The following FAM13C variants were observed in gnomAD, a reference collection of about 807,000 sequenced individuals.
FAM13C encodes the protein protein FAM13C.
FAM13C carries 37 observed loss-of-function variants against 73.2 expected under a neutral mutation model. The observed-to-expected ratio is 0.51, with a 90% CI of 0.39 to 0.67. FAM13C has a LOEUF of 0.67. FAM13C is among the 30% of genes least tolerant of loss of function. The pLI is 0.00. For synonymous variants in FAM13C, 246 were observed against 260.9 expected, an observed-to-expected ratio of 0.94 and a Z score of 0.55; for missense variants, 589 against 715.6, an observed-to-expected ratio of 0.82 and a Z score of 2.02.
At position 59,246,576 on chromosome 10, in the gene FAM13C, T is replaced by C. The variant is rs1409446200; in HGVS notation, c.*1038A>G. 2 of 396,982 alleles carry C rather than the reference T, an allele frequency of 5.0e-6. No individual in the cohort carries two copies. The highest frequency in any genetic ancestry group is 4.1e-5 in the African/African-American group (2 of 48,594). 24.6% of individuals were successfully genotyped at this position (396,982 alleles called of 1,614,324 possible). A position where few individuals can be genotyped will look rare whatever the true frequency, so the allele number is the denominator to read the frequency against. ...CAAAAATGAAAATAATAAACATGTTTTCGTATAAAATAACACAAAATGATA... is the reference window on the plus strand; with the variant it reads ...CAAAAATGAAAATAATAAACATGTTCTCGTATAAAATAACACAAAATGATA... On this transcript the variant is annotated 3_prime_UTR_variant, in exon 14 of 14. Coordinates refer to ENST00000618804, the MANE Select transcript of FAM13C (RefSeq NM_198215.4).
intron 5 of FAM13C, among the ~76,000 whole-genome samples, chr10:59,294,427 T>G (rs2133805053): frequency 6.6e-6 from 1 of 152,302 alleles, no homozygotes; most frequent in South Asian, 2.1e-4. Context: ...AGGCAAGTCC[T>G]GCCTCAATGC....
intron 4 of FAM13C, among the ~76,000 whole-genome samples, chr10:59,311,738 G>T (rs915327350): frequency 1.3e-5 from 2 of 152,010 alleles, no homozygotes; most frequent in African/African-American, 4.8e-5. Context: ...AGAAGGTGGG[G>T]TGTGTGTGTG....
chr10:59,320,815 C>T (rs1850132975), intron 4 of FAM13C, among the ~76,000 whole-genome samples: 2 of 152,188 alleles, frequency 1.3e-5, no homozygotes, highest in Non-Finnish European at 2.9e-5. Context: ...AGTTTGTATA[C>T]AACTCCATTT....
intron 10 of FAM13C, among the ~76,000 whole-genome samples, chr10:59,259,600 T>A (rs187142644): frequency 5.9e-5 from 9 of 152,290 alleles, no homozygotes; most frequent in Admixed American, 2.0e-4. Context: ...CTTTATGTAT[T>A]TACATTTTCT....
rs773584243 is a variant in FAM13C, at chr10:59,283,415, G to T, written c.540C>A (p.Asp180Glu). Residue 180 changes from aspartate to glutamate, a missense_variant, in exon 6 of 14, where the codon GAC (aspartate) becomes GAA (glutamate). Coordinates refer to ENST00000618804, the MANE Select transcript of FAM13C (RefSeq NM_198215.4). ...CGCTCTGGGTTGATGCTGGCGCCGG[G>T]TCCTTGACTCCATGCACCTGAGCAG... ...EEAAQVHGVK[D>E]PAPASTQSVL... The T allele has an allele frequency of 6.2e-7, 1 of 1,614,188 alleles. No homozygotes were observed. Among genetic ancestry groups the T allele is most frequent in the Non-Finnish European group, 8.5e-7 (1 of 1,180,030 alleles).
intron 4 of FAM13C, among the ~76,000 whole-genome samples, chr10:59,318,721 T>A (rs1849838724): frequency 6.6e-6 from 1 of 152,070 alleles, no homozygotes; most frequent in African/African-American, 2.4e-5. Flanking sequence ...CCTTTCTATG[T>A]GGGATACTCA....
upstream of FAM13C, chr10:59,362,685 C>A: frequency 9.9e-7 from 1 of 1,013,738 alleles, no homozygotes; most frequent in Non-Finnish European, 1.4e-6. Flanking sequence ...CAGAGCTGGG[C>A]GGGGCGCGGC....
intron 3 of FAM13C, among the ~76,000 whole-genome samples, chr10:59,327,194 T>C (rs930854033): frequency 6.6e-6 from 1 of 152,168 alleles, no homozygotes; most frequent in Admixed American, 6.5e-5. Flanking sequence ...AACCCAAGCC[T>C]TAGTTGACCA....
At chr10:59,303,417 T>G (rs960592309) in intron 4 of FAM13C, among the ~76,000 whole-genome samples, 3 of 152,246 alleles carry the variant, frequency 2.0e-5, no homozygotes, top group Non-Finnish European at 4.4e-5. Flanking sequence ...AGGTATTGAT[T>G]ATGTTTATTT....
chr10:59,291,852 GA>G (rs1564534701), intron 5 of FAM13C, among the ~76,000 whole-genome samples: 23 of 129,268 alleles, frequency 1.8e-4, no homozygotes, highest in African/African-American at 6.9e-4. Flanking sequence ...GCAGTGGTGT[GA>G]TCTCGGCTCA....
At chr10:59,269,783 G>T in intron 7 of FAM13C, 116 bp downstream of exon 7, 1 of 1,201,454 alleles carries the variant, frequency 8.3e-7, no homozygotes. Context: ...TTCCAGTCTC[G>T]CAGTTGCGTT....
At chr10:59,271,017 C>T (rs1263226391) in intron 6 of FAM13C, among the ~76,000 whole-genome samples, 3 of 152,120 alleles carry the variant, frequency 2.0e-5, no homozygotes, top group Admixed American at 6.6e-5. Context: ...GACTGAGGCA[C>T]AGCAGCAGGG....
chr10:59,311,708 G>A (rs1486187465), intron 4 of FAM13C, among the ~76,000 whole-genome samples: 1 of 152,176 alleles, frequency 6.6e-6, no homozygotes, highest in Non-Finnish European at 1.5e-5. Context: ...ACTCCCCTGG[G>A]AGCAGCCCGC....
chr10:59,286,047 C>T (rs900806885), intron 5 of FAM13C, among the ~76,000 whole-genome samples: 2 of 152,164 alleles, frequency 1.3e-5, no homozygotes, highest in African/African-American at 2.4e-5. Context: ...ATAAACCAAA[C>T]GTGGTTATGC....
chr10:59,343,128 C>T (rs966428742), intron 3 of FAM13C, among the ~76,000 whole-genome samples: 3 of 152,150 alleles, frequency 2.0e-5, no homozygotes, highest in Non-Finnish European at 2.9e-5. Flanking sequence ...AGCAAGACCA[C>T]GATTATTCCT....
chr10:59,277,852 G>A (rs1168605021), intron 6 of FAM13C, among the ~76,000 whole-genome samples: 1 of 152,154 alleles, frequency 6.6e-6, no homozygotes, highest in Admixed American at 6.5e-5. Context: ...AGTCAGAGTG[G>A]GGAAAGCCCC....
At chr10:59,343,833 G>A (rs977750115) in intron 3 of FAM13C, among the ~76,000 whole-genome samples, 2 of 152,070 alleles carry the variant, frequency 1.3e-5, no homozygotes, top group African/African-American at 4.8e-5. Flanking sequence ...TACGTATTTG[G>A]GTTATTTGTT....
At chr10:59,272,122 G>A (rs2133578683) in intron 6 of FAM13C, among the ~76,000 whole-genome samples, 1 of 152,266 alleles carries the variant, frequency 6.6e-6, no homozygotes, top group South Asian at 2.1e-4. Context: ...AAACTGCATT[G>A]CAACAGTAAT....
At chr10:59,268,739 A>G (rs2133544954) in intron 7 of FAM13C, 48 bp from the exon 8 acceptor site, 1 of 1,592,460 alleles carries the variant, frequency 6.3e-7, no homozygotes, top group Non-Finnish European at 8.5e-7. Context: ...GTGGGCTTCC[A>G]GTAAACAGTT....
Sources: allele counts gnomAD v4.1 joint callset (sites outside exome capture counted in the v4.1 genomes callset), GRCh38; gene constraint gnomAD v4.1.1; transcripts MANE v1.5; gene names NCBI Gene and HGNC (gene_info 2026-07-23, HGNC 2026-07-21).